The following TENM1 variants were observed in gnomAD, a reference collection of about 807,000 sequenced individuals.
The protein encoded by TENM1 is teneurin-1.
In TENM1, 35 loss-of-function variants were observed where a neutral mutation model predicts 174.8. The ratio of observed to expected loss-of-function variants is 0.20; its 90% CI spans 0.15 to 0.27. The LOEUF (loss-of-function observed/expected upper bound fraction) is 0.27. TENM1 is among the 10% of genes least tolerant of loss of function. The pLI is 1.00. For synonymous variants in TENM1, 781 were observed against 798.7 expected, an observed-to-expected ratio of 0.98 and a Z score of 0.37; for missense variants, 1,633 against 2,130.1, an observed-to-expected ratio of 0.77 and a Z score of 4.59.
chrX:124,511,743 G>T (rs2047589232), intron 18 of TENM1, among the ~76,000 whole-genome samples: 1 of 112,149 alleles, frequency 8.9e-6, no homozygotes, highest in African/African-American at 3.2e-5. Flanking sequence ...TTTTGTGGCT[G>T]CCCAACCTGC....
chrX:124,641,608 G>GA (rs1390117039), intron 11 of TENM1, among the ~76,000 whole-genome samples, 183 bp downstream of exon 14: 1 of 111,286 alleles, frequency 9.0e-6, no homozygotes, highest in Admixed American at 9.5e-5. Context: ...AAAACAAGAT[G>GA]AAAAAAATAG....
intron 3 of TENM1, among the ~76,000 whole-genome samples, chrX:124,845,505 TA>T: frequency 8.9e-6 from 1 of 111,954 alleles, no homozygotes; most frequent in South Asian, 3.7e-4. Flanking sequence ...CTGCAATATG[TA>T]ATGTGTAGTA....
At chrX:124,405,560 C>T (rs747813546) in intron 26 of TENM1, among the ~76,000 whole-genome samples, 2 of 111,348 alleles carry the variant, frequency 1.8e-5, no homozygotes, top group South Asian at 3.9e-4. Context: ...TTCCCTCCCT[C>T]ACTGACTTGT....
intron 4 of TENM1, among the ~76,000 whole-genome samples, chrX:124,719,398 C>T (rs763536208): frequency 9.0e-6 from 1 of 111,393 alleles, no homozygotes; most frequent in Non-Finnish European, 1.9e-5. Context: ...AACTGTACCC[C>T]TCATGAACCT....
chrX:124,769,985 A>G (rs973849423), intron 3 of TENM1, among the ~76,000 whole-genome samples: 1 of 111,950 alleles, frequency 8.9e-6, no homozygotes, highest in African/African-American at 3.2e-5. Flanking sequence ...ATTCTAACTT[A>G]CTTATTTTAC....
intron 3 of TENM1, among the ~76,000 whole-genome samples, chrX:124,742,096 A>G (rs2053814218): frequency 8.9e-6 from 1 of 112,078 alleles, no homozygotes; most frequent in Non-Finnish European, 1.9e-5. Flanking sequence ...CAAAGTAGAT[A>G]CATGGCTAGC....
At chrX:124,667,062 CTCTT>C (rs1177300589) in intron 6 of TENM1, among the ~76,000 whole-genome samples, 4 of 111,951 alleles carry the variant, frequency 3.6e-5, no homozygotes, top group South Asian at 3.7e-4. Context: ...CTAGTCCCAG[CTCTT>C]TCTATGTGAT....
At chrX:125,099,284 G>A in the TENM1 span, among the ~76,000 whole-genome samples, 1 of 112,199 alleles carries the variant, frequency 8.9e-6, no homozygotes, top group Non-Finnish European at 1.9e-5. Flanking sequence ...CCAGACAGAA[G>A]CATTAATCCA....
At chrX:125,029,966 A>T in the TENM1 span, among the ~76,000 whole-genome samples, 1 of 112,248 alleles carries the variant, frequency 8.9e-6, no homozygotes, top group South Asian at 3.7e-4. Flanking sequence ...GGCACAACTA[A>T]AAGAAAGAGA....
At chrX:124,699,288 C>A (rs2052721928) in intron 5 of TENM1, among the ~76,000 whole-genome samples, 1 of 110,386 alleles carries the variant, frequency 9.1e-6, no homozygotes, top group South Asian at 3.8e-4. Flanking sequence ...CTTAAGCATG[C>A]AAAACTCCAA....
At chrX:124,586,617 A>C (rs1292305335) in intron 11 of TENM1, among the ~76,000 whole-genome samples, 1 of 109,254 alleles carries the variant, frequency 9.2e-6, no homozygotes, top group African/African-American at 3.4e-5. Flanking sequence ...ATTCCCTTTG[A>C]AAACTGGCAC....
At chrX:124,548,539 C>T (rs993963616) in intron 14 of TENM1, among the ~76,000 whole-genome samples, 2 of 111,853 alleles carry the variant, frequency 1.8e-5, no homozygotes, top group Admixed American at 9.5e-5. Context: ...ACACTTCATT[C>T]CATGCCCCAT....
At chrX:124,711,410 C>T (rs1056291318) in intron 4 of TENM1, among the ~76,000 whole-genome samples, 4 of 112,080 alleles carry the variant, frequency 3.6e-5, no homozygotes, top group African/African-American at 1.3e-4. Flanking sequence ...AGGAAACAGA[C>T]AGAAATCTAT....
At chrX:124,673,331 C>T (rs1258967437) in intron 5 of TENM1, among the ~76,000 whole-genome samples, 1 of 112,070 alleles carries the variant, frequency 8.9e-6, no homozygotes, top group Non-Finnish European at 1.9e-5. Flanking sequence ...TGGTGCCACA[C>T]TTATACATTT....
intron 23 of TENM1, among the ~76,000 whole-genome samples, chrX:124,439,130 G>T (rs776355796): frequency 8.9e-6 from 1 of 111,874 alleles, no homozygotes; most frequent in Admixed American, 9.5e-5. Flanking sequence ...TGATATATCA[G>T]CTTCTTTCCT....
At chrX:124,846,539 C>T (rs2056612383) in intron 3 of TENM1, among the ~76,000 whole-genome samples, 2 of 111,219 alleles carry the variant, frequency 1.8e-5, no homozygotes, top group Non-Finnish European at 3.8e-5. Context: ...TCACAGTTAT[C>T]AGTTCATCAC....
At chrX:124,523,511 C>T (rs752816390) in exon 17 of TENM1, 3 of 1,211,540 alleles carry the variant, frequency 2.5e-6, no homozygotes, top group South Asian at 3.5e-5. Context: ...TGGTGACTTT[C>T]TCTACCACAA....
intron 3 of TENM1, among the ~76,000 whole-genome samples, chrX:124,798,311 G>C (rs1043441952): frequency 4.5e-5 from 5 of 111,532 alleles, no homozygotes; most frequent in Non-Finnish European, 9.4e-5. Flanking sequence ...CCCACCAACA[G>C]TGTACAAGCA....
At chrX:124,833,074 G>A (rs1237994114) in intron 3 of TENM1, among the ~76,000 whole-genome samples, 2 of 111,892 alleles carry the variant, frequency 1.8e-5, no homozygotes, top group Non-Finnish European at 3.8e-5. Flanking sequence ...TGTAATGACA[G>A]GTGGAAATTA....
Sources: allele counts gnomAD v4.1 joint callset (sites outside exome capture counted in the v4.1 genomes callset), GRCh38; gene constraint gnomAD v4.1.1; transcripts MANE v1.5; gene names NCBI Gene and HGNC (gene_info 2026-07-23, HGNC 2026-07-21).